Variants in ADAMTS19 observed in about 807,000 individuals in gnomAD.
ADAMTS19 encodes ADAM metallopeptidase with thrombospondin type 1 motif 19, also known as A disintegrin and metalloproteinase with thrombospondin motifs 19.
Under a neutral mutation model 153.3 loss-of-function variants are expected in ADAMTS19, and 93 were observed. The ratio of observed to expected loss-of-function variants is 0.61; its 90% CI spans 0.51 to 0.72. ADAMTS19 has a LOEUF of 0.72. Among genes scored for constraint, ADAMTS19 ranks in the 30% least tolerant of loss-of-function variants. The probability of loss-of-function intolerance (pLI) is 0.00; values close to 1 mark genes in which losing one functional copy is unlikely to be tolerated. For synonymous variants in ADAMTS19, 600 were observed against 556.6 expected, an observed-to-expected ratio of 1.08 and a Z score of -1.10; for missense variants, 1,482 against 1,552.1, an observed-to-expected ratio of 0.95 and a Z score of 0.76.
At chr5:129,675,339 T>C (rs1434494792) in intron 16 of ADAMTS19, among the ~76,000 whole-genome samples, 1 of 152,216 alleles carries the variant, frequency 6.6e-6, no homozygotes, top group Non-Finnish European at 1.5e-5. Context: ...CTTCAAATAA[T>C]TTGTATGCCC....
At chr5:129,576,841 T>G (rs1754121789) in intron 7 of ADAMTS19, among the ~76,000 whole-genome samples, 1 of 151,810 alleles carries the variant, frequency 6.6e-6, no homozygotes, top group Non-Finnish European at 1.5e-5. Context: ...ACCTACCTAT[T>G]CAATTCATCT....
At chr5:129,510,647 G>A (rs541664659) in intron 3 of ADAMTS19, among the ~76,000 whole-genome samples, 2 of 151,930 alleles carry the variant, frequency 1.3e-5, no homozygotes, top group East Asian at 1.9e-4. Flanking sequence ...TGCTTTGTAC[G>A]AGTTATACTG....
At position 129,737,714 on chromosome 5, in the gene ADAMTS19, A is replaced by C. The variant is rs1386245784; in HGVS notation, c.*496A>C. ...CATAATGAACCTCATGCTGTTGAAC[A>C]GGTTTTTAGAGAATGTATTATGAAT... On this transcript the variant is annotated 3_prime_UTR_variant, in exon 23 of 23. Coordinates refer to ENST00000274487, the MANE Select transcript of ADAMTS19 (RefSeq NM_133638.6). 2 of 152,560 alleles carry C rather than the reference A, an allele frequency of 1.3e-5. No individual in the cohort carries two copies. The highest frequency in any genetic ancestry group is 4.8e-5 in the African/African-American group (2 of 41,454). The allele number at this position is 152,560 out of a possible 1,614,324, so 9.5% of individuals were successfully genotyped here. A position where few individuals can be genotyped will look rare whatever the true frequency, so the allele number is the denominator to read the frequency against.
At chr5:129,656,495 A>AT (rs1484036636) in intron 14 of ADAMTS19, among the ~76,000 whole-genome samples, 1 of 152,038 alleles carries the variant, frequency 6.6e-6, no homozygotes, top group East Asian at 1.9e-4. Flanking sequence ...TGGTTCTGTG[A>AT]TTTTCTCTTA....
At chr5:129,664,821 T>C (rs1330383469) in intron 15 of ADAMTS19, among the ~76,000 whole-genome samples, 1 of 152,130 alleles carries the variant, frequency 6.6e-6, no homozygotes. Context: ...TTTTCTCTTA[T>C]CTCACTTTAC....
intron 1 of ADAMTS19, among the ~76,000 whole-genome samples, chr5:129,460,854 A>G (rs925836570): frequency 2.0e-5 from 3 of 152,076 alleles, no homozygotes; most frequent in African/African-American, 7.2e-5. Context: ...TCAACAATGA[A>G]GTGCGGTCAC....
At chr5:129,709,877 T>C (rs942596811) in intron 21 of ADAMTS19, among the ~76,000 whole-genome samples, 5 of 152,156 alleles carry the variant, frequency 3.3e-5, no homozygotes, top group Non-Finnish European at 7.4e-5. Flanking sequence ...ATTGGATTCT[T>C]AAGGTGTGTA....
intron 3 of ADAMTS19, among the ~76,000 whole-genome samples, chr5:129,514,159 A>G (rs1032798413): frequency 3.3e-5 from 5 of 151,566 alleles, no homozygotes; most frequent in Non-Finnish European, 7.4e-5. Flanking sequence ...CATTTGTATA[A>G]GTACCACATT....
At chr5:129,532,670 A>G (rs1473009319) in intron 6 of ADAMTS19, among the ~76,000 whole-genome samples, 1 of 152,182 alleles carries the variant, frequency 6.6e-6, no homozygotes, top group African/African-American at 2.4e-5. Context: ...TTTTTTTCAT[A>G]ATTTTTCATA....
At chr5:129,688,444 T>C (rs2127136849) in intron 18 of ADAMTS19, among the ~76,000 whole-genome samples, 1 of 151,984 alleles carries the variant, frequency 6.6e-6, no homozygotes, top group South Asian at 2.1e-4. Flanking sequence ...TAAAAGGATA[T>C]GGTTATCTAG....
chr5:129,689,212 T>G (rs400065), intron 18 of ADAMTS19, among the ~76,000 whole-genome samples: 80,738 of 151,938 alleles, frequency 0.53, 23,766 homozygotes, highest in Non-Finnish European at 0.66. Context: ...TCCACATTCT[T>G]CACACCAGTC....
intron 2 of ADAMTS19, among the ~76,000 whole-genome samples, chr5:129,467,365 C>A (rs558467961): frequency 6.6e-6 from 1 of 152,124 alleles, no homozygotes; most frequent in African/African-American, 2.4e-5. Flanking sequence ...TTGATATAAC[C>A]AAGGTTAGTT....
chr5:129,717,546 TTTAA>T (rs1369854162), intron 21 of ADAMTS19, among the ~76,000 whole-genome samples: 1 of 152,222 alleles, frequency 6.6e-6, no homozygotes, highest in African/African-American at 2.4e-5. Flanking sequence ...TCACCCTTAC[TTTAA>T]TAACAGAATA....
chr5:129,507,273 A>C (rs1359375053), intron 2 of ADAMTS19, among the ~76,000 whole-genome samples: 2 of 152,094 alleles, frequency 1.3e-5, no homozygotes, highest in African/African-American at 4.8e-5. Flanking sequence ...CTAATCCATA[A>C]GACAAGAATA....
intron 6 of ADAMTS19, among the ~76,000 whole-genome samples, chr5:129,539,587 T>G (rs1231507673): frequency 6.6e-6 from 1 of 152,102 alleles, no homozygotes; most frequent in African/African-American, 2.4e-5. Flanking sequence ...TCGGTCTGCA[T>G]CATTTGTGAG....
chr5:129,683,386 AT>A (rs1177284284), intron 17 of ADAMTS19, among the ~76,000 whole-genome samples: 3 of 151,802 alleles, frequency 2.0e-5, no homozygotes, highest in Non-Finnish European at 1.5e-5. Flanking sequence ...GTTTTCATGT[AT>A]TTTTATGGTT....
chr5:129,580,666 C>T (rs551652564), intron 7 of ADAMTS19, among the ~76,000 whole-genome samples: 2 of 152,182 alleles, frequency 1.3e-5, no homozygotes, highest in East Asian at 3.9e-4. Context: ...TTATTGATGG[C>T]CGTTTCTGCA....
At chr5:129,554,277 A>G (rs527841334) in intron 7 of ADAMTS19, among the ~76,000 whole-genome samples, 77 of 152,206 alleles carry the variant, frequency 5.1e-4, no homozygotes, top group African/African-American at 1.8e-3. Flanking sequence ...CTCATCATCC[A>G]TGCATCTACC....
chr5:129,522,301 A>C (rs72667103), intron 3 of ADAMTS19, among the ~76,000 whole-genome samples: 1 of 90,640 alleles, frequency 1.1e-5, no homozygotes, highest in Admixed American at 1.2e-4. Flanking sequence ...GTGTGTGTGT[A>C]TATATATATA....
Sources: gnomAD v4.1 joint callset for allele counts (sites outside exome capture counted in the v4.1 genomes callset) on GRCh38, gnomAD v4.1.1 for gene constraint, MANE v1.5 for transcripts, NCBI Gene and HGNC (gene_info 2026-07-23, HGNC 2026-07-21) for gene names.